Variants in SMYD3 observed in about 807,000 individuals in gnomAD.
SMYD3 encodes the protein SET and MYND domain containing 3.
A neutral mutation model predicts 57.7 loss-of-function variants in SMYD3; 36 were observed. That is an observed-to-expected ratio of 0.62 (90% CI 0.48 to 0.82). The LOEUF (loss-of-function observed/expected upper bound fraction) is 0.82. Among genes scored for constraint, SMYD3 ranks in the 40% least tolerant of loss-of-function variants. The probability of loss-of-function intolerance (pLI) is 0.00; values close to 1 mark genes in which losing one functional copy is unlikely to be tolerated. For missense variants in SMYD3, 515 were observed against 538.8 expected, an observed-to-expected ratio of 0.96 and a Z score of 0.44; for synonymous variants, 211 against 195.0, an observed-to-expected ratio of 1.08 and a Z score of -0.68.
At chr1:246,428,742 G>A (rs7546187) in intron 1 of SMYD3, among the ~76,000 whole-genome samples, 15 of 50,660 alleles carry the variant, frequency 3.0e-4, no homozygotes, top group South Asian at 1.5e-3. Context: ...ATTCAAACCC[G>A]CGCAATCTAG....
At chr1:246,184,070 C>T (rs888259499) in intron 5 of SMYD3, among the ~76,000 whole-genome samples, 1 of 152,182 alleles carries the variant, frequency 6.6e-6, no homozygotes, top group Non-Finnish European at 1.5e-5. Context: ...TAAGCCACTC[C>T]AAGATCCACA....
intron 10 of SMYD3, among the ~76,000 whole-genome samples, chr1:245,771,452 TC>T (rs1265535644): frequency 6.6e-6 from 1 of 152,246 alleles, no homozygotes; most frequent in African/African-American, 2.4e-5. Context: ...GCCTCAAGTT[TC>T]AAAAGATTTG....
intron 8 of SMYD3, among the ~76,000 whole-genome samples, chr1:245,881,071 A>G (rs1467499316): frequency 6.6e-6 from 1 of 152,200 alleles, no homozygotes; most frequent in Non-Finnish European, 1.5e-5. Context: ...TGATTCTTCT[A>G]CATTTGTTCA....
intron 5 of SMYD3, among the ~76,000 whole-genome samples, chr1:246,133,599 C>T (rs1294333042): frequency 6.6e-6 from 1 of 152,088 alleles, no homozygotes; most frequent in Non-Finnish European, 1.5e-5. Flanking sequence ...CAACTATCTT[C>T]TTGATATATG....
At chr1:246,342,367 G>A (rs965508351) in intron 2 of SMYD3, among the ~76,000 whole-genome samples, 3 of 152,104 alleles carry the variant, frequency 2.0e-5, no homozygotes, top group South Asian at 2.1e-4. Context: ...AAAGATACTC[G>A]ACAGTTTTCC....
At position 246,472,034 on chromosome 1, in the gene SMYD3, G is replaced by C. The variant is rs755275886; in HGVS notation, c.164+35020C>G. 2.0e-5 allele frequency among the ~76,000 whole-genome samples: 3 copies of C among 151,600 alleles called. No individual in the cohort carries two copies. In the East Asian group the frequency reaches 5.8e-4, roughly 29 times the overall value. ...ATGTAAGCATTCAACCAAAATATTT[G>C]ATTTTAATTTTTCAATGATTCCAGA... On this transcript the variant is annotated intron_variant, in intron 1 of 11. Coordinates refer to ENST00000490107, the MANE Select transcript of SMYD3 (RefSeq NM_001167740.2).
chr1:246,064,778 C>T (rs1416743418), intron 5 of SMYD3, among the ~76,000 whole-genome samples: 4 of 152,206 alleles, frequency 2.6e-5, no homozygotes, highest in East Asian at 1.9e-4. Flanking sequence ...CCTTCTAGAC[C>T]GGACTGAACT....
chr1:245,982,293 G>A (rs2058614052), intron 5 of SMYD3, among the ~76,000 whole-genome samples: 2 of 152,072 alleles, frequency 1.3e-5, no homozygotes, highest in African/African-American at 4.8e-5. Flanking sequence ...CACTGCAGCT[G>A]GCTAATAGTT....
chr1:246,319,382 C>G (rs532842746), intron 5 of SMYD3, among the ~76,000 whole-genome samples: 2 of 152,152 alleles, frequency 1.3e-5, no homozygotes, highest in Non-Finnish European at 2.9e-5. Context: ...TGTGCCTGCT[C>G]GCTTTTAGTG....
rs531988106 is a variant in SMYD3, at chr1:246,355,587, C to T, written c.165-493G>A. On this transcript the variant is annotated intron_variant, in intron 1 of 11. Transcript: ENST00000490107. This position sits in a 1 kb window ranked among gnomAD's most constrained non-coding sequence, Gnocchi z 5.0. ...TCACCAGCTGCCTGGAAACAGACTC[C>T]GTGCTGCTGTGGGGGCACGGTGGGA... Among the ~76,000 whole-genome samples, 3 of 152,248 alleles carry T rather than the reference C, an allele frequency of 2.0e-5. No homozygotes were observed. Among genetic ancestry groups the T allele is most frequent in the Admixed American group, 6.5e-5 (1 of 15,296 alleles).
intron 10 of SMYD3, among the ~76,000 whole-genome samples, chr1:245,839,460 T>C (rs532537162): frequency 3.9e-4 from 60 of 152,280 alleles, no homozygotes; most frequent in East Asian, 1.2e-3. Context: ...TGAGCCACTG[T>C]GCCCAGCCCA....
At chr1:246,253,695 A>G (rs2063832054) in intron 5 of SMYD3, among the ~76,000 whole-genome samples, 1 of 152,124 alleles carries the variant, frequency 6.6e-6, no homozygotes, top group South Asian at 2.1e-4. Flanking sequence ...ATGTATTCCT[A>G]GGTGTTGTAG....
chr1:245,800,393 G>A (rs942169320), intron 10 of SMYD3, among the ~76,000 whole-genome samples: 2 of 151,688 alleles, frequency 1.3e-5, no homozygotes, highest in East Asian at 3.8e-4. Flanking sequence ...ATGCTAGAGT[G>A]TAAACTGTCT....
chr1:246,130,760 C>T (rs2061575043), intron 5 of SMYD3, among the ~76,000 whole-genome samples: 1 of 152,158 alleles, frequency 6.6e-6, no homozygotes, highest in African/African-American at 2.4e-5. Flanking sequence ...ATTGCACTGG[C>T]TTGAGAGTTG....
At chr1:245,809,880 G>A (rs151220036) in intron 10 of SMYD3, among the ~76,000 whole-genome samples, 1 of 152,310 alleles carries the variant, frequency 6.6e-6, no homozygotes, top group East Asian at 1.9e-4. Flanking sequence ...TAGCTGTACT[G>A]AGTCTTCATC....
At chr1:246,205,315 TG>T (rs2062982250) in intron 5 of SMYD3, among the ~76,000 whole-genome samples, 1 of 152,234 alleles carries the variant, frequency 6.6e-6, no homozygotes, top group Non-Finnish European at 1.5e-5. Flanking sequence ...AGTGTTCCAA[TG>T]AAGTGCTCCA....
intron 5 of SMYD3, among the ~76,000 whole-genome samples, chr1:246,124,138 A>G (rs1395639352): frequency 1.3e-5 from 2 of 152,232 alleles, no homozygotes; most frequent in Non-Finnish European, 2.9e-5. Context: ...TCCTATCACT[A>G]TTATTGCAAA....
chr1:245,942,942 C>T (rs927031008), intron 5 of SMYD3, among the ~76,000 whole-genome samples: 6 of 151,920 alleles, frequency 3.9e-5, no homozygotes, highest in East Asian at 3.9e-4. Flanking sequence ...CCAATGAGAA[C>T]GAAGAAACTA....
intron 2 of SMYD3, among the ~76,000 whole-genome samples, chr1:246,348,939 T>TA (rs2065773783): frequency 6.6e-6 from 1 of 151,704 alleles, no homozygotes; most frequent in South Asian, 2.1e-4. Flanking sequence ...TGGAATGAAA[T>TA]AAAGTACTGA....
Sources: gnomAD v4.1 joint callset for allele counts (sites outside exome capture counted in the v4.1 genomes callset) on GRCh38, gnomAD v4.1.1 for gene constraint, Gnocchi (gnomAD v3.1) non-coding constraint, MANE v1.5 for transcripts, NCBI Gene and HGNC (gene_info 2026-07-23, HGNC 2026-07-21) for gene names.